MBD5: variants seen among roughly 807,000 people sequenced by gnomAD.
MBD5 encodes methyl-CpG binding domain protein 5, also known as methyl-CpG-binding domain protein 5.
Under a neutral mutation model 117.3 loss-of-function variants are expected in MBD5, and 13 were observed. The observed-to-expected ratio is 0.11, with a 90% CI of 0.07 to 0.18. The LOEUF (loss-of-function observed/expected upper bound fraction) is 0.18, where lower values mean the gene tolerates loss of function less well. Ranked by LOEUF, MBD5 falls within the 10% of genes least tolerant of loss-of-function variation. The pLI is 1.00. For synonymous variants in MBD5, 727 were observed against 766.4 expected (o/e 0.95, Z 0.85); for missense variants, 1,879 against 2,093.8 (o/e 0.90, Z 2.00).
At chr2:148,481,540 A>G (rs755496129) in intron 8 of MBD5, among the ~76,000 whole-genome samples, 4 of 152,216 alleles carry the variant, frequency 2.6e-5, no homozygotes, top group Non-Finnish European at 5.9e-5. Context: ...ATTTTTAAAT[A>G]AAACTAAAAA....
intron 1 of MBD5, among the ~76,000 whole-genome samples, chr2:148,152,639 T>G (rs1178144092): frequency 6.6e-6 from 1 of 152,214 alleles, no homozygotes; most frequent in Non-Finnish European, 1.5e-5. Context: ...TCGTTGCATA[T>G]ATATTTAGGA....
intron 1 of MBD5, among the ~76,000 whole-genome samples, chr2:148,046,252 G>A (rs1250680143): frequency 6.6e-6 from 1 of 152,024 alleles, no homozygotes; most frequent in African/African-American, 2.4e-5. Flanking sequence ...AAAGTGCTGG[G>A]ATTACAGGCA....
intron 4 of MBD5, among the ~76,000 whole-genome samples, chr2:148,372,111 A>G (rs1404699600): frequency 6.6e-6 from 1 of 152,130 alleles, no homozygotes; most frequent in Non-Finnish European, 1.5e-5. Context: ...AAGAGCTGCT[A>G]GCCCATATGG....
chr2:148,316,189 A>T (rs148394869), intron 3 of MBD5, among the ~76,000 whole-genome samples: 3 of 152,258 alleles, frequency 2.0e-5, no homozygotes, highest in Non-Finnish European at 4.4e-5. Flanking sequence ...CTCCTCCAAC[A>T]CTGGTGATTG....
intron 3 of MBD5, among the ~76,000 whole-genome samples, chr2:148,302,125 T>G (rs1159069949): frequency 6.6e-6 from 1 of 152,156 alleles, no homozygotes; most frequent in African/African-American, 2.4e-5. Context: ...AGTTCAAAAA[T>G]AACATAAAGC....
At chr2:148,375,480 T>C (rs560494033) in intron 4 of MBD5, among the ~76,000 whole-genome samples, 4 of 152,316 alleles carry the variant, frequency 2.6e-5, no homozygotes, top group Non-Finnish European at 1.5e-5. Flanking sequence ...CTGATTAGTC[T>C]TCCAACAAAT....
intron 4 of MBD5, among the ~76,000 whole-genome samples, chr2:148,388,629 G>A (rs2105505538): frequency 6.6e-6 from 1 of 152,260 alleles, no homozygotes; most frequent in African/African-American, 2.4e-5. Context: ...TTTGGAGGTT[G>A]GAAGTCCAGA....
At chr2:148,343,054 A>G (rs1190201086) in intron 4 of MBD5, among the ~76,000 whole-genome samples, 2 of 152,070 alleles carry the variant, frequency 1.3e-5, no homozygotes, top group East Asian at 3.9e-4. Flanking sequence ...TGTGTTAATT[A>G]TCTTAGGATA....
At chr2:148,035,951 T>A (rs904490912) in intron 1 of MBD5, among the ~76,000 whole-genome samples, 18 of 152,246 alleles carry the variant, frequency 1.2e-4, no homozygotes, top group African/African-American at 4.1e-4. Flanking sequence ...GTGTTGTCTT[T>A]ATATTAGTTG....
chr2:148,048,257 A>C (rs1455154898), intron 1 of MBD5, among the ~76,000 whole-genome samples: 1 of 152,032 alleles, frequency 6.6e-6, no homozygotes, highest in Non-Finnish European at 1.5e-5. Context: ...TCTCAGTAGG[A>C]CTCGAGAAAT....
chr2:148,417,808 GT>G (rs1033541363), intron 4 of MBD5, among the ~76,000 whole-genome samples: 13 of 150,412 alleles, frequency 8.6e-5, no homozygotes, highest in South Asian at 4.2e-4. Flanking sequence ...AATGGGTTGG[GT>G]TTTTTTTTGT....
At chr2:148,039,198 C>A (rs1401829842) in intron 1 of MBD5, among the ~76,000 whole-genome samples, 1 of 151,946 alleles carries the variant, frequency 6.6e-6, no homozygotes, top group Non-Finnish European at 1.5e-5. Flanking sequence ...AAATCTTTTT[C>A]TTTAGGTATC....
In MBD5 at chr2:148,469,034, T is replaced by C; in HGVS notation, c.1091T>C (p.Ile364Thr). ...EKDPLGILDP[I>T]PSKPVNQNPV... is the part of the protein sequence containing the mutation. ...GATCCACTTGGCATTCTTGACCCTA[T>C]TCCTAGTAAACCAGTGAATCAGAAC... is the stretch of plus-strand genomic sequence containing the variant. The change falls in exon 8 of 14, where the codon ATT becomes ACT. Residue 364 changes from isoleucine to threonine, a missense_variant. By Grantham distance (89) the Ile-to-Thr change is moderately conservative. This residue lies in a region of MBD5 where 1,666 missense variants were observed against 1,792.2 expected (regional missense o/e 0.93). Transcript: ENST00000642680. The C allele has an allele frequency of 6.2e-7, 1 of 1,613,948 alleles. No individual in the cohort carries two copies. The highest frequency in any genetic ancestry group is 8.5e-7 in the Non-Finnish European group (1 of 1,179,946).
intron 1 of MBD5, among the ~76,000 whole-genome samples, chr2:148,118,123 C>T (rs780569235): frequency 2.4e-4 from 37 of 152,016 alleles, no homozygotes; most frequent in Non-Finnish European, 4.9e-4. Context: ...GTGCCAAGCT[C>T]ATAGTTGGTA....
At chr2:148,483,013 ATAAATT>A in intron 8 of MBD5, 91 bp from the exon 9 acceptor site, 2 of 1,400,494 alleles carry the variant, frequency 1.4e-6, no homozygotes, top group South Asian at 1.2e-5. Context: ...CATGGAACAA[ATAAATT>A]TAAATTTATG....
intron 4 of MBD5, among the ~76,000 whole-genome samples, chr2:148,408,275 T>A (rs1207521988): frequency 6.6e-6 from 1 of 152,186 alleles, no homozygotes; most frequent in Non-Finnish European, 1.5e-5. Flanking sequence ...ATAAAATTGC[T>A]TGCATCATTT....
At chr2:148,363,061 A>G (rs1163684339) in intron 4 of MBD5, among the ~76,000 whole-genome samples, 1 of 152,154 alleles carries the variant, frequency 6.6e-6, no homozygotes, top group Non-Finnish European at 1.5e-5. Flanking sequence ...GAAAATTCCA[A>G]AACCCAGAAT....
intron 7 of MBD5, among the ~76,000 whole-genome samples, chr2:148,466,016 C>G (rs1415673450): frequency 6.6e-6 from 1 of 152,102 alleles, no homozygotes; most frequent in Non-Finnish European, 1.5e-5. Context: ...ATAACTAGCA[C>G]AGGTAGTAAT....
Position 148,463,832 on chromosome 2 carries a change from A to G in MBD5, c.310A>G (p.Arg104Gly). 6.2e-7 allele frequency: 1 copy of G among 1,613,866 alleles called. No homozygotes were observed. Among genetic ancestry groups the G allele is most frequent in the Non-Finnish European group, 8.5e-7 (1 of 1,179,810 alleles). ...TGTCACAAAGCTATGCATACATAAA[A>G]GAAAAATTATTGCAGTGGCCACACT... is the stretch of plus-strand genomic sequence containing the variant. ...EDVTKLCIHK[R>G]KIIAVATLHK... is the part of the protein sequence containing the mutation. The change falls in exon 7 of 14, where the codon AGA (arginine) becomes GGA (glycine). Residue 104 changes from arginine (R) to glycine (G), a missense_variant. Coordinates refer to ENST00000642680, the MANE Select transcript of MBD5 (RefSeq NM_001378120.1).
Sources: gnomAD v4.1 joint callset for allele counts (sites outside exome capture counted in the v4.1 genomes callset) on GRCh38, gnomAD v4.1.1 for gene constraint, gnomAD v4.1.1 regional missense constraint, MANE v1.5 for transcripts, NCBI Gene and HGNC (gene_info 2026-07-23, HGNC 2026-07-21) for gene names.